Variants in TNIK observed in about 807,000 individuals in gnomAD.
The protein encoded by TNIK is TRAF2 and NCK interacting kinase, also known as TRAF2 and NCK-interacting protein kinase.
Under a neutral mutation model 191.3 loss-of-function variants are expected in TNIK, and 49 were observed. The ratio of observed to expected loss-of-function variants is 0.26; its 90% CI spans 0.20 to 0.32. TNIK has a LOEUF of 0.32. TNIK is among the 10% of genes least tolerant of loss of function. TNIK has a pLI of 1.00. For missense variants in TNIK, 1,155 were observed against 1,702.3 expected (o/e 0.68, Z 5.66); for synonymous variants, 594 against 600.9 (o/e 0.99, Z 0.17).
At position 171,357,742 on chromosome 3, in the gene TNIK, C is replaced by A. The variant is rs151049564; in HGVS notation, c.123+11878G>T. Among the ~76,000 whole-genome samples, 249 of 152,118 alleles carry A rather than the reference C, an allele frequency of 1.6e-3. 3 individuals carry two copies. The highest frequency in any genetic ancestry group is 1.0e-2 in the South Asian group (48 of 4,816). On this transcript the variant is annotated intron_variant, in intron 2 of 32. Transcript: ENST00000436636. ...CCCCATTGGGCAGGTGCTGCCTGAACCAAGTGTTAAGGATATAGTATGGTT... is the reference window on the plus strand; with the variant it reads ...CCCCATTGGGCAGGTGCTGCCTGAAACAAGTGTTAAGGATATAGTATGGTT...
intron 1 of TNIK, among the ~76,000 whole-genome samples, chr3:171,458,938 A>G (rs1231640578): frequency 6.6e-6 from 1 of 152,180 alleles, no homozygotes; most frequent in Non-Finnish European, 1.5e-5. Context: ...ACCCCCTTCC[A>G]GGCAGGCAGC....
chr3:171,179,427 G>A (rs906943280), intron 7 of TNIK, among the ~76,000 whole-genome samples: 6 of 151,852 alleles, frequency 4.0e-5, no homozygotes, highest in Non-Finnish European at 8.8e-5. Context: ...AGACAAAAAC[G>A]CAGTTCTATT....
intron 21 of TNIK, among the ~76,000 whole-genome samples, chr3:171,106,134 A>G (rs9789980): frequency 0.55 from 83,508 of 152,046 alleles, 23,273 homozygotes; most frequent in East Asian, 0.68. Flanking sequence ...AAGACCAGAT[A>G]CATGGAAACA....
chr3:171,272,034 G>A (rs892166485), intron 2 of TNIK, among the ~76,000 whole-genome samples: 1 of 152,170 alleles, frequency 6.6e-6, no homozygotes, highest in Non-Finnish European at 1.5e-5. Context: ...AGGAAACTGG[G>A]TCCATAGAAG....
intron 1 of TNIK, among the ~76,000 whole-genome samples, chr3:171,415,702 T>C (rs1577851956): frequency 6.6e-6 from 1 of 151,792 alleles, no homozygotes. Context: ...AAAAATTAGC[T>C]GGGCACGATG....
At chr3:171,156,949 C>G (rs1333457791) in intron 12 of TNIK, among the ~76,000 whole-genome samples, 1 of 152,224 alleles carries the variant, frequency 6.6e-6, no homozygotes, top group East Asian at 1.9e-4. Context: ...CTGACCCATT[C>G]ATTCATATAT....
intron 2 of TNIK, among the ~76,000 whole-genome samples, chr3:171,338,660 T>G (rs973550353): frequency 1.6e-5 from 1 of 60,686 alleles, no homozygotes. Context: ...AGCTAAGTTG[T>G]TTTTTTTTTT....
chr3:171,401,346 G>A (rs892418398), intron 1 of TNIK, among the ~76,000 whole-genome samples: 35 of 152,092 alleles, frequency 2.3e-4, no homozygotes, highest in African/African-American at 7.7e-4. Context: ...CCTACTGAAC[G>A]GTCCTCTTCA....
rs549672511 is a variant in TNIK at position 171,197,770 on chromosome 3, T to C, written c.307-3135A>G. On this transcript the variant is annotated intron_variant, in intron 4 of 32. Transcript: ENST00000436636. ...GAAAAAAGGCAGAAAATCACAAGTA[T>C]TGGTGAGGATGTGGGGAAACTGGAA... Among the ~76,000 whole-genome samples, 5 of 152,292 alleles carry C rather than the reference T, an allele frequency of 3.3e-5. No homozygotes were observed. In the East Asian group the frequency reaches 9.6e-4, roughly 29 times the overall value.
At chr3:171,386,465 TGGA>T (rs143903171) in intron 1 of TNIK, among the ~76,000 whole-genome samples, 10,716 of 152,280 alleles carry the variant, frequency 0.07, 502 homozygotes, top group Middle Eastern at 0.21. Context: ...TGGTTTGCAG[TGGA>T]GGTTTCTCAG....
chr3:171,313,068 T>C (rs888370884), intron 2 of TNIK, among the ~76,000 whole-genome samples: 3 of 151,660 alleles, frequency 2.0e-5, no homozygotes, highest in Non-Finnish European at 4.4e-5. Flanking sequence ...ACCGAGACAG[T>C]GTTTTGAAAA....
chr3:171,382,791 G>A (rs1718214027), intron 1 of TNIK, among the ~76,000 whole-genome samples: 1 of 152,136 alleles, frequency 6.6e-6, no homozygotes, highest in South Asian at 2.1e-4. Context: ...ATGTGGCATG[G>A]TCGAGAAATA....
intron 1 of TNIK, among the ~76,000 whole-genome samples, chr3:171,447,037 A>G (rs1727593668): frequency 6.6e-6 from 1 of 152,076 alleles, no homozygotes; most frequent in Admixed American, 6.6e-5. Flanking sequence ...CTAAAAATAC[A>G]AAAATTAGTT....
chr3:171,398,775 C>T (rs536857041), intron 1 of TNIK, among the ~76,000 whole-genome samples: 202 of 152,310 alleles, frequency 1.3e-3, no homozygotes, highest in African/African-American at 4.4e-3. Context: ...GTTCCTTTGA[C>T]GTGTCATGTA....
chr3:171,139,536 TA>T lies in TNIK; in HGVS notation c.1352del (p.Leu451Ter). Reference sequence around the variant, plus strand: ...TCTCTAACTGTCTCTGCTCCTCCTCTAACTGTCGCCTGATGTATTCCTGGAG... The same window carrying T: ...TCTCTAACTGTCTCTGCTCCTCCTCTACTGTCGCCTGATGTATTCCTGGAG... ...EHEQEYIRRQ[L>X]EEEQRQLEIL... On this transcript the variant is annotated frameshift_variant, in exon 14 of 33. Coordinates refer to ENST00000436636, the MANE Select transcript of TNIK (RefSeq NM_015028.4). LOFTEE classifies it high-confidence loss of function. 6.2e-7 allele frequency: 1 copy of T among 1,613,740 alleles called. No individual in the cohort carries two copies. The highest frequency in any genetic ancestry group is 8.5e-7 in the Non-Finnish European group (1 of 1,179,748).
intron 1 of TNIK, among the ~76,000 whole-genome samples, chr3:171,385,305 C>G (rs1040240652): frequency 6.6e-6 from 1 of 152,042 alleles, no homozygotes; most frequent in Non-Finnish European, 1.5e-5. Flanking sequence ...AACCTGGGGC[C>G]CTCTCAGCCT....
At chr3:171,162,149 C>T (rs966941601) in intron 10 of TNIK, among the ~76,000 whole-genome samples, 5 of 151,896 alleles carry the variant, frequency 3.3e-5, no homozygotes, top group Non-Finnish European at 5.9e-5. Context: ...TGGCCGGGTG[C>T]GGTGGTTCAC....
chr3:171,268,985 T>A (rs1748749973), intron 2 of TNIK, among the ~76,000 whole-genome samples: 1 of 152,212 alleles, frequency 6.6e-6, no homozygotes, highest in Non-Finnish European at 1.5e-5. Flanking sequence ...TATTTTACCT[T>A]CTTTTGCAGA....
chr3:171,286,312 C>T (rs1751006403), intron 2 of TNIK, among the ~76,000 whole-genome samples: 1 of 152,166 alleles, frequency 6.6e-6, no homozygotes, highest in Non-Finnish European at 1.5e-5. Context: ...AATGCCCTGA[C>T]TCGTTACATG....
Sources: gnomAD v4.1 joint callset for allele counts (sites outside exome capture counted in the v4.1 genomes callset) on GRCh38, gnomAD v4.1.1 for gene constraint, MANE v1.5 for transcripts, NCBI Gene and HGNC (gene_info 2026-07-23, HGNC 2026-07-21) for gene names.